The following DCC variants were observed in gnomAD, a reference collection of about 807,000 sequenced individuals.
DCC encodes the protein DCC netrin 1 receptor, also known as netrin receptor DCC.
DCC carries 58 observed loss-of-function variants against 172.5 expected under a neutral mutation model. The observed-to-expected ratio is 0.34, with a 90% CI of 0.27 to 0.42. The LOEUF (loss-of-function observed/expected upper bound fraction) is 0.42, where lower values mean the gene tolerates loss of function less well. DCC is among the 10% of genes least tolerant of loss of function. The pLI is 1.00. For synonymous variants in DCC, 709 were observed against 644.5 expected, an observed-to-expected ratio of 1.10 and a Z score of -1.52; for missense variants, 1,740 against 1,791.0, an observed-to-expected ratio of 0.97 and a Z score of 0.51.
At chr18:53,167,699 G>A (rs2054943323) in intron 8 of DCC, among the ~76,000 whole-genome samples, 1 of 152,076 alleles carries the variant, frequency 6.6e-6, no homozygotes, top group African/African-American at 2.4e-5. Context: ...ATGGAATATG[G>A]CTTCTCTTTT....
At chr18:52,512,991 C>G (rs1414843670) in intron 1 of DCC, among the ~76,000 whole-genome samples, 1 of 152,094 alleles carries the variant, frequency 6.6e-6, no homozygotes, top group African/African-American at 2.4e-5. Context: ...AGAGAGGGAG[C>G]TAGGAGTAGA....
intron 1 of DCC, among the ~76,000 whole-genome samples, chr18:52,690,563 T>C (rs187859336): frequency 1.3e-5 from 2 of 152,238 alleles, no homozygotes; most frequent in African/African-American, 2.4e-5. Flanking sequence ...TTCATGGTTT[T>C]AACAGTATTT....
intron 4 of DCC, among the ~76,000 whole-genome samples, chr18:52,924,103 C>A (rs1030552406): frequency 6.6e-6 from 1 of 152,002 alleles, no homozygotes. Flanking sequence ...GTCAGGGCTG[C>A]CTTTGAGATG....
At chr18:53,485,727 A>G (rs930704506) in intron 25 of DCC, among the ~76,000 whole-genome samples, 2 of 152,054 alleles carry the variant, frequency 1.3e-5, no homozygotes, top group African/African-American at 2.4e-5. Context: ...TATATATTTA[A>G]TCTGAATTTT....
At chr18:52,756,037 G>T (rs1316029189) in intron 2 of DCC, among the ~76,000 whole-genome samples, 10 of 152,146 alleles carry the variant, frequency 6.6e-5, no homozygotes, top group Admixed American at 3.3e-4. Flanking sequence ...AAAGTAACAG[G>T]CTACTGACTC....
intron 1 of DCC, among the ~76,000 whole-genome samples, chr18:52,716,582 T>C (rs1359362118): frequency 1.3e-5 from 2 of 152,200 alleles, no homozygotes; most frequent in East Asian, 3.8e-4. Context: ...TGATGCCTAA[T>C]TAAGAACACC....
intron 12 of DCC, among the ~76,000 whole-genome samples, chr18:53,303,136 T>A (rs1218288089): frequency 6.6e-6 from 1 of 152,208 alleles, no homozygotes; most frequent in East Asian, 1.9e-4. Context: ...AATCTCTAAT[T>A]TGTTACCTTT....
intron 2 of DCC, among the ~76,000 whole-genome samples, chr18:52,824,054 G>T (rs2038460212): frequency 1.3e-5 from 2 of 152,126 alleles, no homozygotes. Flanking sequence ...CTCAGAAAGG[G>T]TGAATTGCAA....
intron 5 of DCC, among the ~76,000 whole-genome samples, chr18:53,034,809 C>T (rs1227648702): frequency 6.6e-6 from 1 of 151,892 alleles, no homozygotes; most frequent in East Asian, 1.9e-4. Flanking sequence ...TCTTCTCTCT[C>T]TTGCTCTTGC....
chr18:53,176,198 A>C (rs1284465195), intron 8 of DCC, among the ~76,000 whole-genome samples: 3 of 133,396 alleles, frequency 2.2e-5, no homozygotes, highest in African/African-American at 5.8e-5. Flanking sequence ...TAAAGACTTA[A>C]ATGTTAGACC....
chr18:53,006,200 A>G (rs2041643147), intron 5 of DCC, among the ~76,000 whole-genome samples: 1 of 152,204 alleles, frequency 6.6e-6, no homozygotes, highest in African/African-American at 2.4e-5. Flanking sequence ...AACTGGCTTT[A>G]TGTCTCATGA....
At chr18:53,138,750 A>G (rs754960258) in intron 7 of DCC, among the ~76,000 whole-genome samples, 1 of 152,244 alleles carries the variant, frequency 6.6e-6, no homozygotes, top group Non-Finnish European at 1.5e-5. Flanking sequence ...CACTAACAAT[A>G]TACCCTTGGG....
chr18:52,864,503 A>G (rs368697620), intron 2 of DCC, among the ~76,000 whole-genome samples: 119 of 152,096 alleles, frequency 7.8e-4, no homozygotes, highest in African/African-American at 2.7e-3. Context: ...CATAGTTTCC[A>G]TTTTCTTTTT....
intron 7 of DCC, among the ~76,000 whole-genome samples, chr18:53,097,548 A>G (rs2043104685): frequency 6.6e-6 from 1 of 152,168 alleles, no homozygotes; most frequent in South Asian, 2.1e-4. Flanking sequence ...TGAAGCATAC[A>G]TATTTGATTT....
At chr18:53,018,142 C>T (rs979548964) in intron 5 of DCC, among the ~76,000 whole-genome samples, 2 of 152,098 alleles carry the variant, frequency 1.3e-5, no homozygotes, top group African/African-American at 4.8e-5. Context: ...ACATTCTGCA[C>T]ATGTACCCCA....
At chr18:52,999,286 T>G (rs1224945766) in intron 5 of DCC, among the ~76,000 whole-genome samples, 4 of 152,118 alleles carry the variant, frequency 2.6e-5, no homozygotes, top group Non-Finnish European at 5.9e-5. Flanking sequence ...CATTAAAAAG[T>G]AGCTCAGAAA....
intron 2 of DCC, among the ~76,000 whole-genome samples, chr18:52,819,452 T>A (rs1342947440): frequency 6.6e-6 from 1 of 152,172 alleles, no homozygotes; most frequent in African/African-American, 2.4e-5. Flanking sequence ...ATATATCTGG[T>A]TATTTTAAGT....
Position 53,059,799 on chromosome 18 carries a change from C to A in DCC, c.986-3506C>A, listed in dbSNP as rs2042468555. Among the ~76,000 whole-genome samples, 3 of 152,020 alleles carry A rather than the reference C, an allele frequency of 2.0e-5. No individual in the cohort carries two copies. The South Asian group carries it at 6.2e-4, about 32-fold the overall frequency. On this transcript the variant is annotated intron_variant, in intron 5 of 28. Coordinates refer to ENST00000442544, the MANE Select transcript of DCC (RefSeq NM_005215.4). ...TCATCTTCTACCAATATTGCCACAG[C>A]AAAGGATGAAAATATGCATTTTGTT...
intron 9 of DCC, among the ~76,000 whole-genome samples, chr18:53,183,966 C>T (rs73960216): frequency 0.017 from 2,450 of 147,838 alleles, 79 homozygotes; most frequent in African/African-American, 0.058. Flanking sequence ...TATGATAACA[C>T]GTGGGCAGCC....
Sources: gnomAD v4.1 joint callset for allele counts (sites outside exome capture counted in the v4.1 genomes callset) on GRCh38, gnomAD v4.1.1 for gene constraint, MANE v1.5 for transcripts, NCBI Gene and HGNC (gene_info 2026-07-23, HGNC 2026-07-21) for gene names.